Variants in NCAM2 observed in about 807,000 individuals in gnomAD.
The protein encoded by NCAM2 is N-CAM-2.
A neutral mutation model predicts 98.1 loss-of-function variants in NCAM2; 30 were observed. That is an observed-to-expected ratio of 0.31 (90% CI 0.23 to 0.41). NCAM2 has a LOEUF of 0.41. Ranked by LOEUF, NCAM2 falls within the 10% of genes least tolerant of loss-of-function variation. NCAM2 has a pLI of 1.00. For synonymous variants in NCAM2, 368 were observed against 342.4 expected (o/e 1.07, Z -0.83); for missense variants, 867 against 1,005.8 (o/e 0.86, Z 1.87).
At chr21:21,062,529 C>A (rs1240106605) in intron 1 of NCAM2, among the ~76,000 whole-genome samples, 1 of 152,174 alleles carries the variant, frequency 6.6e-6, no homozygotes, top group Non-Finnish European at 1.5e-5. Flanking sequence ...AGGAAGCTTG[C>A]CCTTTAGGAC....
intron 15 of NCAM2, among the ~76,000 whole-genome samples, chr21:21,479,026 G>A (rs1194017459): frequency 1.3e-5 from 2 of 152,074 alleles, no homozygotes; most frequent in African/African-American, 4.8e-5. Flanking sequence ...TCAGGAACAT[G>A]CTATACGTAT....
At chr21:21,416,528 ATCTT>A (rs1424867793) in intron 10 of NCAM2, among the ~76,000 whole-genome samples, 3 of 144,258 alleles carry the variant, frequency 2.1e-5, no homozygotes, top group Non-Finnish European at 3.1e-5. Flanking sequence ...GAAAAACACT[ATCTT>A]TCAAGCATGG....
intron 11 of NCAM2, among the ~76,000 whole-genome samples, chr21:21,428,873 A>G (rs998652875): frequency 6.6e-6 from 1 of 152,208 alleles, no homozygotes; most frequent in African/African-American, 2.4e-5. Flanking sequence ...TAATTCATCA[A>G]GTATTTCCTG....
chr21:21,319,169 G>A (rs1186958516), intron 5 of NCAM2, among the ~76,000 whole-genome samples: 1 of 151,968 alleles, frequency 6.6e-6, no homozygotes, highest in Non-Finnish European at 1.5e-5. Flanking sequence ...CTTCATATTC[G>A]TGGTCTTACA....
intron 1 of NCAM2, among the ~76,000 whole-genome samples, chr21:21,170,663 G>A (rs937958309): frequency 1.4e-4 from 22 of 152,114 alleles, no homozygotes; most frequent in African/African-American, 5.3e-4. Flanking sequence ...GAATTACTCT[G>A]TTTGATACTT....
At chr21:21,319,987 C>G (rs2074332235) in intron 5 of NCAM2, among the ~76,000 whole-genome samples, 1 of 151,944 alleles carries the variant, frequency 6.6e-6, no homozygotes, top group Non-Finnish European at 1.5e-5. Context: ...TTTCTTAAAC[C>G]AACTTAATGA....
chr21:21,428,580 C>T (rs2077264292), intron 11 of NCAM2, among the ~76,000 whole-genome samples: 1 of 152,126 alleles, frequency 6.6e-6, no homozygotes, highest in Non-Finnish European at 1.5e-5. Context: ...CCACTAATGG[C>T]ATCACAGGAA....
chr21:21,337,707 TTAG>T (rs1049371840), intron 7 of NCAM2, among the ~76,000 whole-genome samples: 1 of 151,976 alleles, frequency 6.6e-6, no homozygotes, highest in African/African-American at 2.4e-5. Context: ...ATAATTAAAA[TTAG>T]TAGACATAAT....
At chr21:21,205,414 G>A (rs1308955846) in intron 1 of NCAM2, among the ~76,000 whole-genome samples, 1 of 151,976 alleles carries the variant, frequency 6.6e-6, no homozygotes, top group Admixed American at 6.6e-5. Flanking sequence ...TATTTTGGGG[G>A]CATTCTGATG....
chr21:21,412,106 A>G (rs2076898317), intron 10 of NCAM2, among the ~76,000 whole-genome samples: 1 of 152,170 alleles, frequency 6.6e-6, no homozygotes, highest in African/African-American at 2.4e-5. Context: ...GAAATCACAG[A>G]AATTTGTTCT....
At chr21:21,170,960 G>T (rs1244332918) in intron 1 of NCAM2, among the ~76,000 whole-genome samples, 3 of 149,676 alleles carry the variant, frequency 2.0e-5, no homozygotes, top group Admixed American at 6.7e-5. Flanking sequence ...AAAAAAAAAT[G>T]TTACGAGTTG....
intron 5 of NCAM2, among the ~76,000 whole-genome samples, chr21:21,314,826 C>T (rs957266569): frequency 1.3e-5 from 2 of 151,984 alleles, no homozygotes; most frequent in African/African-American, 2.4e-5. Flanking sequence ...AAAAATATAT[C>T]GTATGTCTTT....
intron 1 of NCAM2, among the ~76,000 whole-genome samples, chr21:21,087,589 A>G (rs1255408385): frequency 2.0e-5 from 3 of 152,152 alleles, no homozygotes; most frequent in African/African-American, 4.8e-5. Context: ...CTCTGTAATT[A>G]GTCCCTTTGT....
chr21:21,018,161 A>G (rs1007934490), intron 1 of NCAM2, among the ~76,000 whole-genome samples: 2 of 152,230 alleles, frequency 1.3e-5, no homozygotes, highest in East Asian at 1.9e-4. Context: ...TCAAGACTAC[A>G]AAACAATATC....
intron 11 of NCAM2, among the ~76,000 whole-genome samples, chr21:21,429,638 A>G (rs1388217256): frequency 6.6e-6 from 1 of 152,232 alleles, no homozygotes; most frequent in Non-Finnish European, 1.5e-5. Flanking sequence ...CATGCAGATT[A>G]ACCTGGAGAT....
intron 15 of NCAM2, among the ~76,000 whole-genome samples, chr21:21,486,222 T>C (rs1251653762): frequency 7.2e-6 from 1 of 138,082 alleles, no homozygotes; most frequent in Non-Finnish European, 1.5e-5. Flanking sequence ...GAGCATGGCG[T>C]GAACCCGGGA....
chr21:21,407,670 TAA>T (rs2076769254), intron 9 of NCAM2, among the ~76,000 whole-genome samples: 1 of 152,202 alleles, frequency 6.6e-6, no homozygotes, highest in Non-Finnish European at 1.5e-5. Context: ...TAATGTTAAA[TAA>T]GTTATATTTT....
intron 1 of NCAM2, among the ~76,000 whole-genome samples, chr21:21,186,317 A>G (rs2068639947): frequency 1.3e-5 from 2 of 152,194 alleles, no homozygotes; most frequent in Non-Finnish European, 2.9e-5. Flanking sequence ...AAATTATAAA[A>G]TGTGATGGCT....
intron 1 of NCAM2, among the ~76,000 whole-genome samples, chr21:21,093,491 A>G (rs774496644): frequency 2.6e-5 from 4 of 152,114 alleles, no homozygotes; most frequent in Non-Finnish European, 4.4e-5. Context: ...CAAAAAATGT[A>G]TTAACAAATC....
Sources: gnomAD v4.1 joint callset for allele counts (sites outside exome capture counted in the v4.1 genomes callset) on GRCh38, gnomAD v4.1.1 for gene constraint, MANE v1.5 for transcripts, NCBI Gene and HGNC (gene_info 2026-07-23, HGNC 2026-07-21) for gene names.